PCDHA5: variants seen among roughly 807,000 people sequenced by gnomAD.
The protein encoded by PCDHA5 is protocadherin alpha 5.
PCDHA5 carries 43 observed loss-of-function variants against 61.6 expected under a neutral mutation model. The observed-to-expected ratio is 0.70, with a 90% CI of 0.55 to 0.90. The LOEUF (loss-of-function observed/expected upper bound fraction) is 0.90, where lower values mean the gene tolerates loss of function less well. Ranked by LOEUF, PCDHA5 falls within the 40% of genes least tolerant of loss-of-function variation. The pLI, the probability that PCDHA5 is intolerant of heterozygous loss-of-function variation, is 0.00. For missense variants in PCDHA5, 1,298 were observed against 1,222.7 expected, an observed-to-expected ratio of 1.06 and a Z score of -0.92; for synonymous variants, 627 against 543.9, an observed-to-expected ratio of 1.15 and a Z score of -2.13.
intron 2 of PCDHA5, chr5:140,982,263 C>A: frequency 1.2e-6 from 1 of 858,968 alleles, no homozygotes; most frequent in Non-Finnish European, 1.7e-6. Flanking sequence ...ATGTGTGTTC[C>A]TGGAATAGTA....
At position 140,924,894 on chromosome 5, in the gene PCDHA5, C is replaced by CAAAAAA. The variant is rs782133089; in HGVS notation, c.2353-54049_2353-54044dup. Among the ~76,000 whole-genome samples, 6 of 71,470 alleles carry CAAAAAA rather than the reference C, an allele frequency of 8.4e-5. No homozygotes were observed. In the East Asian group the frequency reaches 2.6e-3, roughly 31 times the overall value. 46.9% of individuals were successfully genotyped at this position (71,470 alleles called of 152,430 possible). A position where few individuals can be genotyped will look rare whatever the true frequency, so the allele number is the denominator to read the frequency against. On this transcript the variant is annotated intron_variant, in intron 1 of 3. Transcript: ENST00000529859. ...TGGGTGACAGAGCAAGAACCTGTCT[C>CAAAAAA]AAAAAAAAAAATAAAATAAAATAAA... is the stretch of plus-strand genomic sequence containing the variant.
At chr5:140,911,275 G>A (rs1048648150) in intron 1 of PCDHA5, among the ~76,000 whole-genome samples, 1 of 152,164 alleles carries the variant, frequency 6.6e-6, no homozygotes, top group Non-Finnish European at 1.5e-5. Context: ...AGTGTCCCCA[G>A]CTTCATCAGG....
chr5:140,869,933 T>A, intron 1 of PCDHA5: 1 of 1,611,316 alleles, frequency 6.2e-7, no homozygotes, highest in Non-Finnish European at 8.5e-7. Context: ...AATGGAGAGG[T>A]AACATACTCC....
intron 1 of PCDHA5, chr5:140,928,706 A>T: frequency 6.2e-7 from 1 of 1,613,858 alleles, no homozygotes; most frequent in Non-Finnish European, 8.5e-7. Flanking sequence ...CGGGCGTCTG[A>T]CTCTAGTCTC....
rs202099274 is a variant in PCDHA5 at position 140,842,659 on chromosome 5, C to G, written c.2352+18532C>G. The G allele has an allele frequency of 6.9e-6, 11 of 1,595,186 alleles. No individual in the cohort carries two copies. The South Asian group carries it at 1.2e-4, about 18-fold the overall frequency. ...CCGCCAGCTTGTCTGTGGAGGTGGC[C>G]GACGTGAACGACAATGCTCCGGCGT... On this transcript the variant is annotated intron_variant, in intron 1 of 3. Transcript: ENST00000529859.
chr5:140,887,323 C>T (rs1209011082), intron 1 of PCDHA5, among the ~76,000 whole-genome samples: 5 of 152,084 alleles, frequency 3.3e-5, no homozygotes, highest in African/African-American at 1.2e-4. Context: ...GTCTCGAACT[C>T]CTGACCTCGT....
chr5:140,822,107 G>T lies in PCDHA5; in HGVS notation c.332G>T (p.Arg111Met). The change falls in exon 1 of 4, where the codon AGG (arginine) becomes ATG (methionine). Residue 111 changes from arginine (R) to methionine (M), a missense_variant. Transcript: ENST00000529859. ...CSIHLEVIVD[R>M]PLQVFHVEVA... ...ATCCACCTGGAGGTGATCGTGGACA[G>T]GCCGCTGCAGGTTTTCCATGTGGAG... 1 of 1,614,274 alleles carries T rather than the reference G, an allele frequency of 6.2e-7. No homozygotes were observed. The highest frequency in any genetic ancestry group is 8.5e-7 in the Non-Finnish European group (1 of 1,180,050).
chr5:140,967,107 G>A (rs782199698), intron 1 of PCDHA5: 12 of 1,612,876 alleles, frequency 7.4e-6, no homozygotes, highest in Non-Finnish European at 9.3e-6. Context: ...TGTGAGCAGC[G>A]GCCTCGCTGC....
intron 3 of PCDHA5, among the ~76,000 whole-genome samples, chr5:140,993,609 T>C (rs1554253871): frequency 6.6e-6 from 1 of 152,078 alleles, no homozygotes; most frequent in African/African-American, 2.4e-5. Flanking sequence ...GAGAATTTTG[T>C]TGGGACCCTC....
intron 1 of PCDHA5, chr5:140,870,717 T>C (rs782672690): frequency 4.3e-6 from 7 of 1,613,062 alleles, no homozygotes; most frequent in South Asian, 2.2e-5. Context: ...GCGCGCGCGA[T>C]GCGGGCGTGC....
chr5:140,842,302 T>A (rs1554138952), intron 1 of PCDHA5: 3 of 1,609,802 alleles, frequency 1.9e-6, no homozygotes, highest in Non-Finnish European at 2.6e-6. Flanking sequence ...ACAAAGGCCA[T>A]CCTCCCATGG....
intron 1 of PCDHA5, among the ~76,000 whole-genome samples, chr5:140,920,717 G>A (rs1042476401): frequency 1.3e-5 from 2 of 152,044 alleles, no homozygotes; most frequent in African/African-American, 2.4e-5. Flanking sequence ...GGTGGTGTGC[G>A]CCTGCAGTCC....
intron 1 of PCDHA5, among the ~76,000 whole-genome samples, chr5:140,894,027 A>G (rs1251239546): frequency 6.6e-6 from 1 of 152,206 alleles, no homozygotes; most frequent in Non-Finnish European, 1.5e-5. Context: ...AGTTCTGCAT[A>G]CTGGTAATGT....
In PCDHA5 at chr5:140,911,678, G is replaced by A. The variant is rs551063911; in HGVS notation, c.2353-67271G>A. ...CTAAACTCCTTGCCTCTCACGAACCGTGCATCAGGAGTGTCAAATGAATTT... is the reference window on the plus strand; with the variant it reads ...CTAAACTCCTTGCCTCTCACGAACCATGCATCAGGAGTGTCAAATGAATTT... On this transcript the variant is annotated intron_variant, in intron 1 of 3. Coordinates refer to ENST00000529859, the MANE Select transcript of PCDHA5 (RefSeq NM_018908.3). Among the ~76,000 whole-genome samples the A allele has an allele frequency of 7.9e-5, 12 of 152,234 alleles. No homozygotes were observed. The South Asian group carries it at 1.2e-3, about 16-fold the overall frequency.
chr5:140,994,189 G>T (rs992894961), intron 3 of PCDHA5, among the ~76,000 whole-genome samples: 2 of 152,176 alleles, frequency 1.3e-5, no homozygotes, highest in Admixed American at 6.5e-5. Context: ...AACCACCAGG[G>T]CCTGTTGGTC....
chr5:140,842,503 C>A, intron 1 of PCDHA5: 1 of 1,613,836 alleles, frequency 6.2e-7, no homozygotes. Context: ...CCCATGTCCC[C>A]TTCAAGCTGG....
At position 140,857,384 on chromosome 5, in the gene PCDHA5, G is replaced by A; in HGVS notation, c.2352+33257G>A. 7 of 1,598,500 alleles carry A rather than the reference G, an allele frequency of 4.4e-6. 1 individual carries two copies. The highest frequency in any genetic ancestry group is 2.7e-5 in the African/African-American group (2 of 74,484). On this transcript the variant is annotated intron_variant, in intron 1 of 3. Transcript: ENST00000529859. ...GGCCAGCGTGTCTGTGGAGGTGGCC[G>A]ACGTGAACGACAACGCGCCTGCGTT...
At chr5:140,957,781 TTCA>T (rs2095383587) in intron 1 of PCDHA5, among the ~76,000 whole-genome samples, 1 of 152,072 alleles carries the variant, frequency 6.6e-6, no homozygotes, top group African/African-American at 2.4e-5. Context: ...AAAAACTAAG[TTCA>T]TCATATATGT....
intron 1 of PCDHA5, chr5:140,857,655 C>A: frequency 1.3e-6 from 2 of 1,596,728 alleles, no homozygotes; most frequent in East Asian, 2.2e-5. Context: ...CAGGTGAGCG[C>A]GCGCGATGGG....
Sources: allele counts gnomAD v4.1 joint callset (sites outside exome capture counted in the v4.1 genomes callset), GRCh38; gene constraint gnomAD v4.1.1; transcripts MANE v1.5; gene names NCBI Gene and HGNC (gene_info 2026-07-23, HGNC 2026-07-21).